Variants in CTNNA3 observed in about 807,000 individuals in gnomAD.
CTNNA3 encodes catenin alpha 3, also known as catenin alpha-3.
In CTNNA3, 76 loss-of-function variants were observed where a neutral mutation model predicts 95.7. The observed-to-expected ratio is 0.79, with a 90% CI of 0.66 to 0.96. The LOEUF (loss-of-function observed/expected upper bound fraction) is 0.96, where lower values mean the gene tolerates loss of function less well. Ranked by LOEUF, CTNNA3 falls within the 40% of genes least tolerant of loss-of-function variation. The pLI is 0.00. For missense variants in CTNNA3, 1,191 were observed against 1,089.8 expected (o/e 1.09, Z -1.31); for synonymous variants, 431 against 374.4 (o/e 1.15, Z -1.74).
chr10:67,034,862 C>A (rs1005119209), intron 7 of CTNNA3, among the ~76,000 whole-genome samples: 1 of 152,194 alleles, frequency 6.6e-6, no homozygotes, highest in Non-Finnish European at 1.5e-5. Context: ...TAAAATATAT[C>A]TATTTGCAGT....
chr10:66,257,258 T>C (rs1052802497), intron 13 of CTNNA3, among the ~76,000 whole-genome samples: 11 of 152,220 alleles, frequency 7.2e-5, no homozygotes, highest in African/African-American at 2.7e-4. Flanking sequence ...TCTTCATAGA[T>C]ACAGGGGCCA....
intron 1 of CTNNA3, among the ~76,000 whole-genome samples, chr10:67,679,713 A>G (rs1190753581): frequency 6.6e-6 from 1 of 152,168 alleles, no homozygotes; most frequent in Non-Finnish European, 1.5e-5. Context: ...TCACTCAAAC[A>G]TTTTTTAAAT....
At chr10:66,591,338 G>A (rs1047891553) in intron 10 of CTNNA3, among the ~76,000 whole-genome samples, 15 of 152,026 alleles carry the variant, frequency 9.9e-5, no homozygotes, top group African/African-American at 2.9e-4. Flanking sequence ...TATTATCAAC[G>A]CACATGGAAT....
intron 7 of CTNNA3, among the ~76,000 whole-genome samples, chr10:66,917,796 A>C (rs7094030): frequency 0.38 from 57,700 of 152,004 alleles, 11,443 homozygotes; most frequent in Non-Finnish European, 0.44. Context: ...CTCTTGTCAC[A>C]TCAGAATACA....
At chr10:67,462,066 G>T in intron 5 of CTNNA3, among the ~76,000 whole-genome samples, 1 of 152,162 alleles carries the variant, frequency 6.6e-6, no homozygotes, top group East Asian at 1.9e-4. Flanking sequence ...GTAATATGTT[G>T]GTGGTAGCAG....
At chr10:66,254,430 G>A (rs1295548842) in intron 13 of CTNNA3, among the ~76,000 whole-genome samples, 2 of 152,068 alleles carry the variant, frequency 1.3e-5, no homozygotes, top group Non-Finnish European at 2.9e-5. Flanking sequence ...GACCTACATG[G>A]CTAATACGGT....
intron 5 of CTNNA3, among the ~76,000 whole-genome samples, chr10:67,256,709 A>G (rs1018576895): frequency 6.6e-6 from 1 of 152,150 alleles, no homozygotes; most frequent in Admixed American, 6.5e-5. Context: ...ATTTCCCACC[A>G]GGAAGGATAA....
intron 6 of CTNNA3, among the ~76,000 whole-genome samples, chr10:67,205,181 G>T (rs992304320): frequency 4.6e-5 from 7 of 152,156 alleles, no homozygotes; most frequent in African/African-American, 1.7e-4. Flanking sequence ...CTTGGCCCTG[G>T]CCCAGAATAA....
chr10:67,233,911 G>C (rs1865336888), intron 5 of CTNNA3, among the ~76,000 whole-genome samples: 1 of 152,166 alleles, frequency 6.6e-6, no homozygotes, highest in South Asian at 2.1e-4. Flanking sequence ...AGAAAATCTA[G>C]AAGAAACGGA....
At chr10:67,197,786 A>T (rs1863446676) in intron 6 of CTNNA3, among the ~76,000 whole-genome samples, 1 of 152,152 alleles carries the variant, frequency 6.6e-6, no homozygotes, top group Non-Finnish European at 1.5e-5. Flanking sequence ...AATGTTTCTA[A>T]GTCATTTTCC....
intron 9 of CTNNA3, among the ~76,000 whole-genome samples, chr10:66,644,435 C>A (rs1845629950): frequency 6.9e-6 from 1 of 143,974 alleles, no homozygotes; most frequent in African/African-American, 2.6e-5. Flanking sequence ...TTGATCCAAA[C>A]CCCCAGATCC....
intron 15 of CTNNA3, among the ~76,000 whole-genome samples, chr10:66,029,085 A>C (rs927236763): frequency 1.3e-5 from 2 of 152,224 alleles, no homozygotes; most frequent in African/African-American, 4.8e-5. Flanking sequence ...ATTTAAAAAG[A>C]GATAGAAATT....
chr10:65,923,342 G>A (rs889095281), intron 17 of CTNNA3, among the ~76,000 whole-genome samples: 1 of 152,148 alleles, frequency 6.6e-6, no homozygotes, highest in Non-Finnish European at 1.5e-5. Context: ...CACAGTAAAT[G>A]CTTAAATATA....
At chr10:66,713,872 C>A (rs1270999544) in intron 9 of CTNNA3, among the ~76,000 whole-genome samples, 1 of 151,984 alleles carries the variant, frequency 6.6e-6, no homozygotes, top group East Asian at 1.9e-4. Context: ...TACTCTTGCC[C>A]TGGTTCATTC....
intron 7 of CTNNA3, among the ~76,000 whole-genome samples, chr10:66,873,003 G>A (rs757684747): frequency 4.6e-5 from 7 of 152,210 alleles, no homozygotes; most frequent in East Asian, 1.9e-4. Context: ...AGCTGCATCC[G>A]TAATGCTGCA....
chr10:67,674,602 T>A (rs1193166411), intron 1 of CTNNA3, among the ~76,000 whole-genome samples: 1 of 152,124 alleles, frequency 6.6e-6, no homozygotes. Flanking sequence ...CAAAACAAGA[T>A]ATTACATGAC....
At chr10:67,483,491 A>G (rs1030731511) in intron 5 of CTNNA3, among the ~76,000 whole-genome samples, 48 of 151,522 alleles carry the variant, frequency 3.2e-4, no homozygotes, top group Middle Eastern at 3.4e-3. Context: ...ATTGGAAATC[A>G]TCATTCTCAG....
At chr10:66,796,199 A>G (rs1051677291) in intron 7 of CTNNA3, among the ~76,000 whole-genome samples, 10 of 152,008 alleles carry the variant, frequency 6.6e-5, no homozygotes, top group Non-Finnish European at 1.0e-4. Context: ...TATCCCCACT[A>G]AGCTTCATCA....
chr10:66,141,902 T>G (rs2083638913), intron 13 of CTNNA3, among the ~76,000 whole-genome samples: 1 of 152,170 alleles, frequency 6.6e-6, no homozygotes, highest in South Asian at 2.1e-4. Flanking sequence ...TAGCCCAGGT[T>G]ATTAAAGATA....
Sources: gnomAD v4.1 joint callset for allele counts (sites outside exome capture counted in the v4.1 genomes callset) on GRCh38, gnomAD v4.1.1 for gene constraint, MANE v1.5 for transcripts, NCBI Gene and HGNC (gene_info 2026-07-23, HGNC 2026-07-21) for gene names.